PTPRT: variants seen among roughly 807,000 people sequenced by gnomAD.
PTPRT encodes protein tyrosine phosphatase receptor type T.
PTPRT carries 56 observed loss-of-function variants against 176.8 expected under a neutral mutation model. The ratio of observed to expected loss-of-function variants is 0.32; its 90% confidence interval spans 0.26 to 0.40. The LOEUF (loss-of-function observed/expected upper bound fraction) is 0.40. Among genes scored for constraint, PTPRT ranks in the 10% least tolerant of loss-of-function variants. PTPRT has a pLI of 1.00. For synonymous variants in PTPRT, 783 were observed against 739.0 expected (o/e 1.06, Z -0.96); for missense variants, 1,540 against 1,908.2 (o/e 0.81, Z 3.60).
At chr20:43,105,423 CAG>C (rs1202746792) in intron 1 of PTPRT, among the ~76,000 whole-genome samples, 2 of 151,270 alleles carry the variant, frequency 1.3e-5, no homozygotes, top group Non-Finnish European at 2.9e-5. Flanking sequence ...TTTTCTGAGA[CAG>C]AGTCTCACTC....
Position 42,077,467 on chromosome 20 carries a change from A to G in PTPRT, c.*3412T>C. On this transcript the variant is annotated 3_prime_UTR_variant, in exon 31 of 31. Transcript: ENST00000373187. Reference sequence around the variant, plus strand: ...TGTAAAGACTCAGAGAGCATTAATAATATTTTCCTCTGCTCATGACAGGCT... The same window carrying G: ...TGTAAAGACTCAGAGAGCATTAATAGTATTTTCCTCTGCTCATGACAGGCT... The G allele has an allele frequency of 4.5e-6, 1 of 223,584 alleles. No homozygotes were observed. Among genetic ancestry groups the G allele is most frequent in the Non-Finnish European group, 8.9e-6 (1 of 111,914 alleles). The allele number at this position is 223,584 out of a possible 1,614,324, so 13.9% of individuals were successfully genotyped here.
chr20:43,085,461 A>C (rs1253958251), intron 1 of PTPRT, among the ~76,000 whole-genome samples: 1 of 152,198 alleles, frequency 6.6e-6, no homozygotes, highest in Non-Finnish European at 1.5e-5. Context: ...ACTATGTGAA[A>C]AGCATTGTAT....
At chr20:42,097,272 C>T (rs377514892) in intron 27 of PTPRT, among the ~76,000 whole-genome samples, 1 of 152,330 alleles carries the variant, frequency 6.6e-6, no homozygotes, top group Admixed American at 6.5e-5. Flanking sequence ...AGCCTCACTA[C>T]ATTCTTCTCC....
intron 6 of PTPRT, among the ~76,000 whole-genome samples, chr20:42,691,583 C>T (rs2075794443): frequency 6.6e-6 from 1 of 152,184 alleles, no homozygotes; most frequent in Admixed American, 6.5e-5. Flanking sequence ...TAAGAGATGA[C>T]ACCCTCCCTT....
intron 16 of PTPRT, among the ~76,000 whole-genome samples, chr20:42,166,186 G>C (rs1490629260): frequency 6.6e-6 from 1 of 152,146 alleles, no homozygotes; most frequent in Non-Finnish European, 1.5e-5. Flanking sequence ...GCCAGATCAA[G>C]TTCTAAAGAG....
At chr20:42,277,800 C>T (rs2057066874) in intron 13 of PTPRT, among the ~76,000 whole-genome samples, 1 of 151,576 alleles carries the variant, frequency 6.6e-6, no homozygotes, top group African/African-American at 2.4e-5. Flanking sequence ...TTTACTCCTA[C>T]CATTTAAGAG....
At chr20:42,723,428 G>A (rs986960254) in intron 6 of PTPRT, among the ~76,000 whole-genome samples, 6 of 152,140 alleles carry the variant, frequency 3.9e-5, no homozygotes, top group Non-Finnish European at 8.8e-5. Flanking sequence ...GGTGAGCTGG[G>A]CTGTGGGGCA....
intron 1 of PTPRT, among the ~76,000 whole-genome samples, chr20:43,103,398 A>C (rs1385558800): frequency 6.6e-6 from 1 of 152,162 alleles, no homozygotes; most frequent in African/African-American, 2.4e-5. Context: ...GCTGAGACAA[A>C]TCTCTTTCCC....
chr20:42,863,979 C>T (rs1320306373), intron 2 of PTPRT, among the ~76,000 whole-genome samples: 5 of 152,184 alleles, frequency 3.3e-5, no homozygotes, highest in African/African-American at 9.7e-5. Flanking sequence ...TTCAGGAAGT[C>T]GCTCCAGCTA....
intron 7 of PTPRT, among the ~76,000 whole-genome samples, chr20:42,532,801 G>T (rs563237604): frequency 6.6e-6 from 1 of 152,180 alleles, no homozygotes; most frequent in Non-Finnish European, 1.5e-5. Context: ...GACCAGTCAT[G>T]GGCTCCAGGT....
chr20:42,526,962 T>TC (rs2072282460), intron 7 of PTPRT, among the ~76,000 whole-genome samples: 2 of 124,938 alleles, frequency 1.6e-5, no homozygotes, highest in Non-Finnish European at 3.3e-5. Context: ...TTTTCTTTTT[T>TC]TTTTTTTTTT....
intron 7 of PTPRT, among the ~76,000 whole-genome samples, chr20:42,549,481 T>TA (rs1433307336): frequency 6.6e-6 from 1 of 152,048 alleles, no homozygotes; most frequent in Non-Finnish European, 1.5e-5. Flanking sequence ...ATAAGAGGGT[T>TA]ACTCAATAAA....
intron 6 of PTPRT, among the ~76,000 whole-genome samples, chr20:42,729,754 G>A (rs76916100): frequency 0.017 from 2,600 of 152,198 alleles, 58 homozygotes; most frequent in African/African-American, 0.043. Flanking sequence ...TTGGGGAGTG[G>A]GCTTGGACTT....
At chr20:42,287,569 G>A (rs893280154) in intron 12 of PTPRT, among the ~76,000 whole-genome samples, 3 of 151,750 alleles carry the variant, frequency 2.0e-5, no homozygotes. Context: ...AGATACTAGA[G>A]GTTAGGAAGT....
intron 27 of PTPRT, among the ~76,000 whole-genome samples, chr20:42,088,301 G>A (rs1170661853): frequency 6.6e-6 from 1 of 152,162 alleles, no homozygotes; most frequent in Non-Finnish European, 1.5e-5. Context: ...GGCTACCCCA[G>A]GCTTGCAAAT....
chr20:42,064,070 G>T, the PTPRT span: 12 of 150,770 alleles, frequency 8.0e-5, no homozygotes, highest in African/African-American at 2.9e-4. Context: ...TATCAAACCG[G>T]CTTTATCCAA....
At chr20:43,016,310 G>T (rs1985367766) in intron 1 of PTPRT, among the ~76,000 whole-genome samples, 1 of 152,124 alleles carries the variant, frequency 6.6e-6, no homozygotes, top group Non-Finnish European at 1.5e-5. Flanking sequence ...CTGCCATCAG[G>T]CTCTGGCTTA....
intron 1 of PTPRT, among the ~76,000 whole-genome samples, chr20:42,981,951 T>TCAGCTCCTTC (rs770236497): frequency 3.9e-5 from 6 of 152,102 alleles, no homozygotes; most frequent in Non-Finnish European, 8.8e-5. Flanking sequence ...GGCGCTCTTT[T>TCAGCTCCTTC]CAGCTCCTTC....
At chr20:42,423,178 T>TAAAAAAAAAAAAA (rs34775268) in intron 9 of PTPRT, among the ~76,000 whole-genome samples, 2 of 88,112 alleles carry the variant, frequency 2.3e-5, no homozygotes, top group African/African-American at 8.8e-5. Flanking sequence ...ACCTTAAAAG[T>TAAAAAAAAAAAAA]AAAAAAAAAA....
Sources: gnomAD v4.1 joint callset for allele counts (sites outside exome capture counted in the v4.1 genomes callset) on GRCh38, gnomAD v4.1.1 for gene constraint, MANE v1.5 for transcripts, NCBI Gene and HGNC (gene_info 2026-07-23, HGNC 2026-07-21) for gene names.